RSU1: variants seen among roughly 807,000 people sequenced by gnomAD.
The protein encoded by RSU1 is Ras suppressor protein 1, also known as rsu-1.
Under a neutral mutation model 31.1 loss-of-function variants are expected in RSU1, and 26 were observed. The ratio of observed to expected loss-of-function variants is 0.84; its 90% CI spans 0.61 to 1.16. RSU1 has a LOEUF of 1.16. Ranked by LOEUF, RSU1 falls within the 50% of genes most tolerant of loss-of-function variation. The pLI is 0.00. For synonymous variants in RSU1, 164 were observed against 136.3 expected (o/e 1.20, Z -1.41); for missense variants, 320 against 339.1 (o/e 0.94, Z 0.44).
intron 7 of RSU1, among the ~76,000 whole-genome samples, chr10:16,738,121 G>C (rs946352934): frequency 6.6e-6 from 1 of 152,106 alleles, no homozygotes; most frequent in Non-Finnish European, 1.5e-5. Flanking sequence ...CTAAAACAAC[G>C]GAGAAAAACT....
chr10:16,762,103 T>C (rs557027621), intron 4 of RSU1, among the ~76,000 whole-genome samples: 37 of 151,984 alleles, frequency 2.4e-4, no homozygotes, highest in Admixed American at 1.3e-3. Flanking sequence ...CTTGCCCCAA[T>C]AGGTAAGGTC....
chr10:16,753,908 C>T (rs1290538127), intron 5 of RSU1, among the ~76,000 whole-genome samples: 1 of 152,090 alleles, frequency 6.6e-6, no homozygotes, highest in Non-Finnish European at 1.5e-5. Flanking sequence ...CAGGCTCATG[C>T]TACTATGCCT....
At chr10:16,719,353 T>C (rs1836208739) in intron 7 of RSU1, among the ~76,000 whole-genome samples, 1 of 152,144 alleles carries the variant, frequency 6.6e-6, no homozygotes, top group Non-Finnish European at 1.5e-5. Context: ...TTCAAAATCA[T>C]TCTTACAGCA....
intron 5 of RSU1, among the ~76,000 whole-genome samples, chr10:16,754,378 G>A (rs1359649441): frequency 1.3e-5 from 2 of 152,122 alleles, no homozygotes; most frequent in Non-Finnish European, 2.9e-5. Flanking sequence ...CTGTGTACTG[G>A]ATAAATAGGT....
intron 7 of RSU1, among the ~76,000 whole-genome samples, chr10:16,706,976 CTCATA>C (rs201830642): frequency 0.015 from 2,244 of 152,154 alleles, 49 homozygotes; most frequent in African/African-American, 0.049. Flanking sequence ...AAAAAAAGAT[CTCATA>C]TGAGTGGGAT....
Position 16,690,614 on chromosome 10 carries a change from CAA to C in RSU1, c.731+4407_731+4408del, listed in dbSNP as rs568136384. On this transcript the variant is annotated intron_variant, in intron 8 of 8. Coordinates refer to ENST00000345264, the MANE Select transcript of RSU1 (RefSeq NM_012425.4). ...ACACACTGAATTCATTGTTTTCTTT[CAA>C]GTATCCATGTCTCCTCTTGGAGTCC... Among the ~76,000 whole-genome samples the C allele has an allele frequency of 2.6e-5, 4 of 152,276 alleles. No individual in the cohort carries two copies. The East Asian group carries it at 7.7e-4, about 29-fold the overall frequency.
At chr10:16,756,524 C>A (rs1837089544) in intron 4 of RSU1, among the ~76,000 whole-genome samples, 1 of 152,178 alleles carries the variant, frequency 6.6e-6, no homozygotes, top group Non-Finnish European at 1.5e-5. Flanking sequence ...TGATCCACTT[C>A]CACTTAAAGC....
At position 16,592,241 on chromosome 10, in the gene RSU1, CTCTCCCAGGCCATTTGAA is replaced by C. The variant is rs1432385831; in HGVS notation, c.*1135_*1152del. ...AGGCCCCCTCTCCCAGGCCATTTGA[CTCTCCCAGGCCATTTGAA>C]AAGACGGTGCATCTTCACATACCAT... On this transcript the variant is annotated 3_prime_UTR_variant, in exon 9 of 9. Coordinates refer to ENST00000345264, the MANE Select transcript of RSU1 (RefSeq NM_012425.4). The C allele has an allele frequency of 5.9e-5, 9 of 152,250 alleles. No individual in the cohort carries two copies. Among genetic ancestry groups the C allele is most frequent in the Admixed American group, 5.9e-4 (9 of 15,278 alleles). 9.4% of individuals were successfully genotyped at this position (152,250 alleles called of 1,614,324 possible).
intron 8 of RSU1, among the ~76,000 whole-genome samples, chr10:16,612,035 G>C (rs1488170697): frequency 2.6e-5 from 4 of 152,144 alleles, no homozygotes; most frequent in Admixed American, 2.6e-4. Context: ...ACTCAATAGG[G>C]TTGTTGGGAG....
chr10:16,796,024 G>A (rs1401137318), intron 2 of RSU1, among the ~76,000 whole-genome samples: 1 of 152,104 alleles, frequency 6.6e-6, no homozygotes, highest in Non-Finnish European at 1.5e-5. Context: ...TTTCAAGCAG[G>A]AGGAGCTGGA....
At chr10:16,788,729 G>A (rs985147759) in intron 2 of RSU1, among the ~76,000 whole-genome samples, 1 of 152,212 alleles carries the variant, frequency 6.6e-6, no homozygotes, top group African/African-American at 2.4e-5. Context: ...CAGGAAAAAG[G>A]AAAGGATAAA....
At chr10:16,753,389 G>A (rs1237473155) in intron 5 of RSU1, among the ~76,000 whole-genome samples, 1 of 152,126 alleles carries the variant, frequency 6.6e-6, no homozygotes, top group Admixed American at 6.5e-5. Context: ...GATACCTAGG[G>A]CAAAAGGGTT....
At chr10:16,757,588 T>C (rs563348262) in intron 4 of RSU1, among the ~76,000 whole-genome samples, 24 of 152,182 alleles carry the variant, frequency 1.6e-4, no homozygotes, top group Non-Finnish European at 3.1e-4. Flanking sequence ...TACCTTGCAA[T>C]ACAGGTAAGA....
chr10:16,639,826 A>G (rs1834409744), intron 8 of RSU1, among the ~76,000 whole-genome samples: 1 of 152,234 alleles, frequency 6.6e-6, no homozygotes, highest in African/African-American at 2.4e-5. Flanking sequence ...ATTTACAGCA[A>G]CACCGCAATT....
At chr10:16,654,115 G>C (rs1290910374) in intron 8 of RSU1, among the ~76,000 whole-genome samples, 1 of 151,746 alleles carries the variant, frequency 6.6e-6, no homozygotes, top group Non-Finnish European at 1.5e-5. Context: ...CGATTCTCTT[G>C]CTTTAGCATC....
At chr10:16,640,992 G>T (rs1159371761) in intron 8 of RSU1, among the ~76,000 whole-genome samples, 1 of 152,182 alleles carries the variant, frequency 6.6e-6, no homozygotes, top group Non-Finnish European at 1.5e-5. Context: ...TAGTATCATT[G>T]TTCCCACCAT....
chr10:16,672,605 G>C (rs1835129791), intron 8 of RSU1, among the ~76,000 whole-genome samples: 1 of 141,818 alleles, frequency 7.1e-6, no homozygotes, highest in Admixed American at 6.9e-5. Context: ...TGAATGAAAG[G>C]AGCCAGTTGT....
At position 16,687,208 on chromosome 10, in the gene RSU1, A is replaced by G. The variant is rs1835455913; in HGVS notation, c.731+7815T>C. Among the ~76,000 whole-genome samples the G allele has an allele frequency of 2.6e-5, 4 of 152,210 alleles. No homozygotes were observed. The South Asian group carries it at 8.3e-4, about 32-fold the overall frequency. The stretch of plus-strand genomic sequence containing the variant: ...TCTTACTAGATGTCTTCAGGAATAC[A>G]GCTAGTCTCCTGAAGCTGGTTTTTA... On this transcript the variant is annotated intron_variant, in intron 8 of 8. Transcript: ENST00000345264.
rs773569438 is a variant in RSU1 at position 16,695,095 on chromosome 10, G to T, written c.659C>A (p.Thr220Asn). The change falls in exon 8 of 9, where the codon ACC becomes AAC. Residue 220 changes from threonine to asparagine, a missense_variant. Thr to Asn is a moderately conservative substitution (Grantham distance 65, BLOSUM62 0). Transcript: ENST00000345264. ...AAGCTGGAACTGGTCTGCAATGGGG[G>T]TCACCCAGGGATTGTTCTCTGCTTT... The part of the protein sequence containing the change: ...VFKAENNPWV[T>N]PIADQFQLGV... The T allele has an allele frequency of 1.3e-6, 2 of 1,596,436 alleles. No individual in the cohort carries two copies. The highest frequency in any genetic ancestry group is 1.1e-5 in the South Asian group (1 of 90,712).
Sources: allele counts gnomAD v4.1 joint callset (sites outside exome capture counted in the v4.1 genomes callset), GRCh38; gene constraint gnomAD v4.1.1; transcripts MANE v1.5; gene names NCBI Gene and HGNC (gene_info 2026-07-23, HGNC 2026-07-21).